CDA: variants seen among roughly 807,000 people sequenced by gnomAD.
The protein encoded by CDA is cytidine deaminase, also known as cytidine aminohydrolase.
Under a neutral mutation model 15.0 loss-of-function variants are expected in CDA, and 7 were observed. The observed-to-expected ratio is 0.47, with a 90% CI of 0.26 to 0.87. The LOEUF is 0.87. Among genes scored for constraint, CDA ranks in the 40% least tolerant of loss-of-function variants. The probability of loss-of-function intolerance (pLI) is 0.15; values close to 1 mark genes in which losing one functional copy is unlikely to be tolerated. For missense variants in CDA, 159 were observed against 182.7 expected, an observed-to-expected ratio of 0.87 and a Z score of 0.75; for synonymous variants, 58 against 73.0, an observed-to-expected ratio of 0.79 and a Z score of 1.05.
At position 20,613,777 on chromosome 1, in the gene CDA, A is replaced by G; in HGVS notation, c.267-65A>G. On this transcript the variant is annotated intron_variant, in intron 2 of 3. Coordinates refer to ENST00000375071, the MANE Select transcript of CDA (RefSeq NM_001785.3). ...GGAACAGACCGAGTCTCAGGGCCTGAATCTTAGCAATTGTCCTCAGTCCTT... is the reference window on the plus strand; with the variant it reads ...GGAACAGACCGAGTCTCAGGGCCTGGATCTTAGCAATTGTCCTCAGTCCTT... The G allele has an allele frequency of 6.1e-6, 9 of 1,479,844 alleles. No individual in the cohort carries two copies. In the South Asian group the frequency reaches 1.0e-4, roughly 17 times the overall value. The allele number at this position is 1,479,844 out of a possible 1,614,324, so 91.7% of individuals were successfully genotyped here.
At chr1:20,592,841 C>T (rs1289965814) in intron 1 of CDA, among the ~76,000 whole-genome samples, 1 of 152,188 alleles carries the variant, frequency 6.6e-6, no homozygotes, top group East Asian at 1.9e-4. Context: ...GCCAGTAATC[C>T]CAGTGCTTTG....
At chr1:20,615,724 G>A (rs2052795751) in intron 3 of CDA, among the ~76,000 whole-genome samples, 1 of 151,604 alleles carries the variant, frequency 6.6e-6, no homozygotes, top group Non-Finnish European at 1.5e-5. Context: ...GCATCTTGTG[G>A]GCATGATGGC....
intron 2 of CDA, among the ~76,000 whole-genome samples, chr1:20,607,136 C>G (rs1232870878): frequency 6.6e-6 from 1 of 152,184 alleles, no homozygotes; most frequent in East Asian, 1.9e-4. Context: ...AGAAAGAGAG[C>G]TACACCTTTT....
At chr1:20,599,647 T>TAAAATAAAATAAAATAAAAA (rs568052436) in intron 1 of CDA, among the ~76,000 whole-genome samples, 1 of 146,894 alleles carries the variant, frequency 6.8e-6, no homozygotes, top group African/African-American at 2.6e-5. Flanking sequence ...TAAAATAAAA[T>TAAAATAAAATAAAATAAAAA]AAAACAAAAT....
intron 1 of CDA, 140 bp from the exon 2 acceptor site, chr1:20,604,788 C>A: frequency 1.4e-6 from 1 of 697,034 alleles, no homozygotes; most frequent in South Asian, 1.5e-5. Flanking sequence ...TCGAATTGCC[C>A]TAATTGCCCT....
At chr1:20,607,316 T>C (rs1420035416) in intron 2 of CDA, among the ~76,000 whole-genome samples, 1 of 152,142 alleles carries the variant, frequency 6.6e-6, no homozygotes, top group Admixed American at 6.5e-5. Flanking sequence ...CGAGGTGCAC[T>C]CAAGGAGAAG....
chr1:20,599,574 G>A (rs559621318), intron 1 of CDA, among the ~76,000 whole-genome samples: 14 of 128,950 alleles, frequency 1.1e-4, no homozygotes, highest in South Asian at 7.2e-4. Context: ...CCGAAATTAC[G>A]CCACTGCACT....
intron 3 of CDA, among the ~76,000 whole-genome samples, chr1:20,616,544 A>G (rs556783088): frequency 1.3e-5 from 2 of 152,212 alleles, no homozygotes; most frequent in East Asian, 3.9e-4. Context: ...GCACGGTGGA[A>G]ATGTCGAAGG....
chr1:20,591,335 T>G (rs963251005), intron 1 of CDA, among the ~76,000 whole-genome samples: 5 of 151,814 alleles, frequency 3.3e-5, no homozygotes, highest in African/African-American at 4.8e-5. Flanking sequence ...AGCGAGACTC[T>G]GTCTCAAAAA....
chr1:20,611,556 T>G (rs2052750839), intron 2 of CDA, among the ~76,000 whole-genome samples: 1 of 151,982 alleles, frequency 6.6e-6, no homozygotes, highest in Non-Finnish European at 1.5e-5. Flanking sequence ...AATTTTTGTA[T>G]TTTTAGTAGC....
At chr1:20,610,964 G>T (rs1027309425) in intron 2 of CDA, among the ~76,000 whole-genome samples, 13 of 152,238 alleles carry the variant, frequency 8.5e-5, no homozygotes, top group Non-Finnish European at 1.8e-4. Flanking sequence ...GTTCTGCCAG[G>T]CATGGTGGCT....
At chr1:20,604,863 T>C (rs2052680137) in intron 1 of CDA, 65 bp from the exon 2 acceptor site, 3 of 1,093,342 alleles carry the variant, frequency 2.7e-6, no homozygotes, top group Non-Finnish European at 4.1e-6. Context: ...GCAAACTTCT[T>C]ACTCAACACA....
At chr1:20,602,652 CCT>C in intron 1 of CDA, among the ~76,000 whole-genome samples, 1 of 152,254 alleles carries the variant, frequency 6.6e-6, no homozygotes, top group East Asian at 1.9e-4. Context: ...AAACTCCTGA[CCT>C]TGTGATCCGC....
At chr1:20,597,385 G>A (rs138925412) in intron 1 of CDA, among the ~76,000 whole-genome samples, 2,123 of 152,308 alleles carry the variant, frequency 0.014, 50 homozygotes, top group African/African-American at 0.048. Flanking sequence ...AGCTTGCAGT[G>A]AGCCAGGATC....
chr1:20,597,216 A>G (rs1366185323), intron 1 of CDA, among the ~76,000 whole-genome samples: 3 of 152,196 alleles, frequency 2.0e-5, no homozygotes, highest in Non-Finnish European at 4.4e-5. Context: ...TGGGAGGCCA[A>G]GGCAGGTGGA....
intron 1 of CDA, among the ~76,000 whole-genome samples, chr1:20,597,013 C>T (rs149134929): frequency 4.6e-5 from 7 of 152,252 alleles, no homozygotes; most frequent in African/African-American, 1.7e-4. Context: ...GCACCCACCT[C>T]AGCCTCTAAA....
chr1:20,603,511 A>G (rs748379202), intron 1 of CDA, among the ~76,000 whole-genome samples: 14 of 152,198 alleles, frequency 9.2e-5, no homozygotes, highest in Non-Finnish European at 1.8e-4. Flanking sequence ...CCTCCTTACC[A>G]AAAGTATGAT....
At chr1:20,595,041 T>C (rs942233761) in intron 1 of CDA, among the ~76,000 whole-genome samples, 7 of 152,124 alleles carry the variant, frequency 4.6e-5, no homozygotes, top group Non-Finnish European at 1.0e-4. Flanking sequence ...GGTCCCAGGA[T>C]GGTGCCCAGA....
intron 1 of CDA, among the ~76,000 whole-genome samples, chr1:20,592,422 TA>T (rs2052557832): frequency 6.6e-6 from 1 of 152,192 alleles, no homozygotes; most frequent in South Asian, 2.1e-4. Context: ...TCATTATTCT[TA>T]TTATCTGGAG....
Sources: allele counts gnomAD v4.1 joint callset (sites outside exome capture counted in the v4.1 genomes callset), GRCh38; gene constraint gnomAD v4.1.1; transcripts MANE v1.5; gene names NCBI Gene and HGNC (gene_info 2026-07-23, HGNC 2026-07-21).